SLCO3A1: variants seen among roughly 807,000 people sequenced by gnomAD.
The protein encoded by SLCO3A1 is solute carrier organic anion transporter family member 3A1, also known as PGE1 transporter.
SLCO3A1 carries 27 observed loss-of-function variants against 63.1 expected under a neutral mutation model. The ratio of observed to expected loss-of-function variants is 0.43; its 90% CI spans 0.32 to 0.59. The LOEUF is 0.59. Ranked by LOEUF, SLCO3A1 falls within the 20% of genes least tolerant of loss-of-function variation. SLCO3A1 has a pLI of 0.09. For missense variants in SLCO3A1, 773 were observed against 945.8 expected, an observed-to-expected ratio of 0.82 and a Z score of 2.40; for synonymous variants, 473 against 409.9, an observed-to-expected ratio of 1.15 and a Z score of -1.86.
At chr15:92,036,762 C>G (rs2151484167) in intron 2 of SLCO3A1, among the ~76,000 whole-genome samples, 1 of 152,316 alleles carries the variant, frequency 6.6e-6, no homozygotes. Flanking sequence ...TTCTTAATTT[C>G]TTACCTTATA....
At chr15:91,929,677 CT>C (rs1397015390) in intron 2 of SLCO3A1, among the ~76,000 whole-genome samples, 1 of 152,090 alleles carries the variant, frequency 6.6e-6, no homozygotes, top group Admixed American at 6.6e-5. Context: ...CTGAAATTAC[CT>C]CTTCAACAAC....
At chr15:92,038,884 T>G (rs542067811) in intron 2 of SLCO3A1, among the ~76,000 whole-genome samples, 1 of 152,250 alleles carries the variant, frequency 6.6e-6, no homozygotes, top group Admixed American at 6.5e-5. Flanking sequence ...CAAAACAGCA[T>G]GGTACTGGTA....
intron 9 of SLCO3A1, among the ~76,000 whole-genome samples, chr15:92,158,601 G>A (rs2048400151): frequency 6.6e-6 from 1 of 152,166 alleles, no homozygotes; most frequent in African/African-American, 2.4e-5. Flanking sequence ...TTGTCTATGG[G>A]GAACCAGCTC....
At position 91,954,316 on chromosome 15, in the gene SLCO3A1, C is replaced by G. The variant is rs1035814185; in HGVS notation, c.646+37858C>G. Among the ~76,000 whole-genome samples, 5 of 152,192 alleles carry G rather than the reference C, an allele frequency of 3.3e-5. No homozygotes were observed. The highest frequency in any genetic ancestry group is 7.3e-5 in the Non-Finnish European group (5 of 68,034). On this transcript the variant is annotated intron_variant, in intron 2 of 9. Coordinates refer to ENST00000318445, the MANE Select transcript of SLCO3A1 (RefSeq NM_013272.4). The surrounding 1 kb of genome is among the most constrained non-coding windows in gnomAD (Gnocchi z 4.7). The stretch of plus-strand genomic sequence containing the variant: ...TGAGTTTCTCAGGATAAACCATCCA[C>G]CCATGGAAGTGGCAGATCCTGAATG...
intron 2 of SLCO3A1, among the ~76,000 whole-genome samples, chr15:91,984,128 G>T (rs972145308): frequency 6.6e-6 from 1 of 152,152 alleles, no homozygotes; most frequent in Non-Finnish European, 1.5e-5. Context: ...GAGGAGAGGG[G>T]TTTGTGCTTT....
chr15:92,016,513 G>A (rs1359240968), intron 2 of SLCO3A1, among the ~76,000 whole-genome samples: 5 of 152,192 alleles, frequency 3.3e-5, no homozygotes, highest in African/African-American at 9.7e-5. Flanking sequence ...GATCTAGGCA[G>A]TGGCAATCTC....
intron 1 of SLCO3A1, among the ~76,000 whole-genome samples, chr15:91,898,583 A>C (rs1470209734): frequency 6.6e-6 from 1 of 152,162 alleles, no homozygotes. Context: ...AAAGGAATTT[A>C]ACATTTCGAT....
At chr15:91,959,449 G>T (rs373835000) in intron 2 of SLCO3A1, among the ~76,000 whole-genome samples, 1 of 151,926 alleles carries the variant, frequency 6.6e-6, no homozygotes, top group Non-Finnish European at 1.5e-5. Flanking sequence ...AAAATTATAG[G>T]CTGGGCACGG....
intron 4 of SLCO3A1, among the ~76,000 whole-genome samples, chr15:92,108,572 G>A (rs148382856): frequency 6.6e-6 from 1 of 152,228 alleles, no homozygotes; most frequent in Non-Finnish European, 1.5e-5. Context: ...TCATCAGATA[G>A]TGTATTAAAT....
In SLCO3A1 at chr15:91,950,109, A is replaced by G. The variant is rs571103269; in HGVS notation, c.646+33651A>G. Among the ~76,000 whole-genome samples, 1 of 152,322 alleles carries G rather than the reference A, an allele frequency of 6.6e-6. No homozygotes were observed. Among genetic ancestry groups the G allele is most frequent in the East Asian group, 1.9e-4 (1 of 5,186 alleles). ...AGAGGAGGAAAAATTAGTCCTGACA[A>G]GGGAGGTTTTTAGGAGAAAGGCAGA... On this transcript the variant is annotated intron_variant, in intron 2 of 9. Coordinates refer to ENST00000318445, the MANE Select transcript of SLCO3A1 (RefSeq NM_013272.4). The surrounding 1 kb of genome is among the most constrained non-coding windows in gnomAD (Gnocchi z 4.4).
intron 2 of SLCO3A1, among the ~76,000 whole-genome samples, chr15:91,964,401 T>C (rs1293988425): frequency 6.6e-6 from 1 of 152,200 alleles, no homozygotes; most frequent in African/African-American, 2.4e-5. Context: ...TGACAGCTAC[T>C]GCAAGAAGCA....
At chr15:92,090,062 C>T (rs145803063) in intron 2 of SLCO3A1, among the ~76,000 whole-genome samples, 117 of 152,226 alleles carry the variant, frequency 7.7e-4, no homozygotes, top group African/African-American at 2.7e-3. Context: ...TAGTCATAAT[C>T]GCTTACTAAT....
chr15:92,061,914 G>C (rs1165421161), intron 2 of SLCO3A1, among the ~76,000 whole-genome samples: 1 of 152,238 alleles, frequency 6.6e-6, no homozygotes, highest in Non-Finnish European at 1.5e-5. Context: ...GGGTGATACA[G>C]GGCAAGATCT....
chr15:92,017,253 T>C (rs1355514909), intron 2 of SLCO3A1, among the ~76,000 whole-genome samples: 1 of 151,840 alleles, frequency 6.6e-6, no homozygotes, highest in East Asian at 1.9e-4. Flanking sequence ...TCTTTAAGAA[T>C]GTTGTTTCCA....
chr15:92,143,468 A>ATATATAT (rs1491521175), intron 7 of SLCO3A1, among the ~76,000 whole-genome samples: 7 of 17,338 alleles, frequency 4.0e-4, no homozygotes, highest in African/African-American at 2.1e-3. Context: ...TAATATATAT[A>ATATATAT]AATATATATA....
intron 8 of SLCO3A1, among the ~76,000 whole-genome samples, chr15:92,148,095 C>A (rs1003978584): frequency 6.6e-6 from 1 of 152,194 alleles, no homozygotes; most frequent in Non-Finnish European, 1.5e-5. Flanking sequence ...GTAATCCCAG[C>A]CACTTGGGAG....
At chr15:91,947,890 T>G (rs1899864367) in intron 2 of SLCO3A1, among the ~76,000 whole-genome samples, 1 of 152,130 alleles carries the variant, frequency 6.6e-6, no homozygotes, top group Admixed American at 6.5e-5. Flanking sequence ...CTGGGGCTCT[T>G]ATTGACACAC....
chr15:92,140,652 A>T (rs12441453), intron 7 of SLCO3A1, among the ~76,000 whole-genome samples: 73,949 of 151,786 alleles, frequency 0.49, 19,323 homozygotes, highest in African/African-American at 0.69. Context: ...GCTTTATGAA[A>T]CTGGGGGCTC....
intron 2 of SLCO3A1, among the ~76,000 whole-genome samples, chr15:91,940,469 C>T (rs1437727013): frequency 1.3e-5 from 2 of 152,198 alleles, no homozygotes; most frequent in Non-Finnish European, 2.9e-5. Flanking sequence ...GACCCAGGTG[C>T]ATATCACAGT....
Sources: allele counts gnomAD v4.1 joint callset (sites outside exome capture counted in the v4.1 genomes callset), GRCh38; gene constraint gnomAD v4.1.1; non-coding constraint Gnocchi (gnomAD v3.1); transcripts MANE v1.5; gene names NCBI Gene and HGNC (gene_info 2026-07-23, HGNC 2026-07-21).